Variants in FRMD4B observed in about 807,000 individuals in gnomAD.
The protein encoded by FRMD4B is FERM domain containing 4B.
Under a neutral mutation model 141.5 loss-of-function variants are expected in FRMD4B, and 74 were observed. The observed-to-expected ratio is 0.52, with a 90% CI of 0.43 to 0.63. The LOEUF (loss-of-function observed/expected upper bound fraction) is 0.63, where lower values mean the gene tolerates loss of function less well. Among genes scored for constraint, FRMD4B ranks in the 30% least tolerant of loss-of-function variants. FRMD4B has a pLI of 0.00. For synonymous variants in FRMD4B, 506 were observed against 467.9 expected, an observed-to-expected ratio of 1.08 and a Z score of -1.05; for missense variants, 1,366 against 1,253.4, an observed-to-expected ratio of 1.09 and a Z score of -1.36.
At chr3:69,351,746 G>A (rs1406371717) in intron 1 of FRMD4B, among the ~76,000 whole-genome samples, 1 of 152,222 alleles carries the variant, frequency 6.6e-6, no homozygotes, top group Admixed American at 6.5e-5. Context: ...AATCCAGGCT[G>A]TGCCCTGCCC....
chr3:69,393,088 G>A (rs957417786), intron 2 of FRMD4B, among the ~76,000 whole-genome samples: 1 of 152,084 alleles, frequency 6.6e-6, no homozygotes, highest in Non-Finnish European at 1.5e-5. Flanking sequence ...TCATGACTAT[G>A]AATGGCTTTT....
chr3:69,431,863 T>C (rs1408736032), intron 2 of FRMD4B, among the ~76,000 whole-genome samples: 1 of 152,240 alleles, frequency 6.6e-6, no homozygotes, highest in Non-Finnish European at 1.5e-5. Context: ...TTTACTCACG[T>C]GCAGTTCATA....
chr3:69,281,483 T>C (rs1386066426), intron 5 of FRMD4B, among the ~76,000 whole-genome samples: 1 of 152,120 alleles, frequency 6.6e-6, no homozygotes, highest in Non-Finnish European at 1.5e-5. Flanking sequence ...TTTGTTGTGT[T>C]AGTCAACCAC....
intron 1 of FRMD4B, among the ~76,000 whole-genome samples, chr3:69,501,813 G>A (rs1192583115): frequency 6.6e-6 from 1 of 152,180 alleles, no homozygotes; most frequent in Non-Finnish European, 1.5e-5. Flanking sequence ...GCCTTAAGCT[G>A]ATAAGCAACT....
intron 5 of FRMD4B, among the ~76,000 whole-genome samples, chr3:69,252,856 G>A (rs558114493): frequency 1.3e-5 from 2 of 152,150 alleles, no homozygotes; most frequent in Non-Finnish European, 2.9e-5. Flanking sequence ...GGACACTTCA[G>A]TGAGTTTCCA....
At chr3:69,505,359 C>A (rs1200591027) in intron 1 of FRMD4B, among the ~76,000 whole-genome samples, 1 of 151,722 alleles carries the variant, frequency 6.6e-6, no homozygotes, top group Non-Finnish European at 1.5e-5. Context: ...GTCTGGATGA[C>A]AGAGCAAGAC....
chr3:69,435,852 T>C (rs1232649245), intron 1 of FRMD4B, among the ~76,000 whole-genome samples: 1 of 152,196 alleles, frequency 6.6e-6, no homozygotes, highest in Non-Finnish European at 1.5e-5. Context: ...AGTGCCAACA[T>C]AGAGCCCAGC....
At chr3:69,452,324 C>A (rs1705515355) in intron 1 of FRMD4B, among the ~76,000 whole-genome samples, 1 of 152,198 alleles carries the variant, frequency 6.6e-6, no homozygotes, top group Non-Finnish European at 1.5e-5. Context: ...GGTGAAGGAT[C>A]AACAGGATTG....
At chr3:69,270,713 C>T (rs531246251) in intron 5 of FRMD4B, among the ~76,000 whole-genome samples, 2 of 152,004 alleles carry the variant, frequency 1.3e-5, no homozygotes, top group South Asian at 4.2e-4. Context: ...CTACAGGCGC[C>T]CGCCATCATG....
rs1324900108 is a variant in FRMD4B, at chr3:69,245,660, T to TTTC, written c.581+3565_581+3566insGAA. On this transcript the variant is annotated intron_variant, in intron 7 of 22. Transcript: ENST00000398540. ...TTGCACCTGGCCTTGGCTGATTTTC[T>TTTC]TTTCTTTTTTTTTTTTTTTTTGTGA... Among the ~76,000 whole-genome samples the TTTC allele has an allele frequency of 2.9e-4, 23 of 78,800 alleles. 3 individuals are homozygous for TTTC. Among genetic ancestry groups the TTTC allele is most frequent in the African/African-American group, 1.0e-3 (22 of 20,958 alleles). The allele number at this position is 78,800 out of a possible 152,430, so 51.7% of individuals were successfully genotyped here. A position where few individuals can be genotyped will look rare whatever the true frequency, so the allele number is the denominator to read the frequency against.
intron 1 of FRMD4B, among the ~76,000 whole-genome samples, chr3:69,529,135 A>C (rs891794440): frequency 2.6e-5 from 4 of 152,224 alleles, no homozygotes; most frequent in Non-Finnish European, 5.9e-5. Context: ...CGTCTGCTAT[A>C]GTAATCAACA....
chr3:69,436,164 C>T (rs948959738), intron 1 of FRMD4B, among the ~76,000 whole-genome samples: 5 of 152,132 alleles, frequency 3.3e-5, no homozygotes, highest in Non-Finnish European at 7.4e-5. Flanking sequence ...AGTTCCCCTC[C>T]CTCACTATTC....
intron 7 of FRMD4B, among the ~76,000 whole-genome samples, chr3:69,248,607 T>G (rs1412067995): frequency 6.6e-6 from 1 of 152,184 alleles, no homozygotes; most frequent in Non-Finnish European, 1.5e-5. Context: ...AGGGAAGCAT[T>G]GCCTCCACCC....
At chr3:69,313,302 C>A in intron 2 of FRMD4B, 150 bp downstream of exon 2, 1 of 704,962 alleles carries the variant, frequency 1.4e-6, no homozygotes, top group East Asian at 2.7e-5. Context: ...TTGATCAATT[C>A]TGAGTCATTG....
In FRMD4B at chr3:69,456,942, TATTC is replaced by T. The variant is rs1290929305; in HGVS notation, c.-128-24185_-128-24182del. On this transcript the variant is annotated intron_variant, in intron 1 of 5. Coordinates refer to the FRMD4B transcript ENST00000459638. The stretch of plus-strand genomic sequence containing the variant: ...TCCATGTTGCCCACAAAACTAAAAA[TATTC>T]ATTATGTGGCCCTGTAGAGAAAAAG... 2.0e-5 allele frequency among the ~76,000 whole-genome samples: 3 copies of T among 152,176 alleles called. No individual in the cohort carries two copies. The East Asian group carries it at 5.8e-4, about 29-fold the overall frequency.
chr3:69,222,181 T>TA (rs1158855700), intron 8 of FRMD4B, among the ~76,000 whole-genome samples: 1 of 152,076 alleles, frequency 6.6e-6, no homozygotes, highest in Non-Finnish European at 1.5e-5. Flanking sequence ...CTTTAAAACT[T>TA]AAAGTGCACA....
chr3:69,338,462 A>G (rs1302276915), intron 1 of FRMD4B, among the ~76,000 whole-genome samples: 1 of 152,260 alleles, frequency 6.6e-6, no homozygotes, highest in Non-Finnish European at 1.5e-5. Context: ...ATAATAAAAA[A>G]AGAAAATGTG....
intron 4 of FRMD4B, among the ~76,000 whole-genome samples, chr3:69,295,634 C>T (rs1042485327): frequency 3.3e-5 from 5 of 151,884 alleles, no homozygotes; most frequent in South Asian, 2.1e-4. Context: ...GCATCATTGA[C>T]GTCAGTAAGT....
intron 3 of FRMD4B, among the ~76,000 whole-genome samples, chr3:69,310,994 A>C (rs1701568036): frequency 6.6e-6 from 1 of 152,352 alleles, no homozygotes; most frequent in East Asian, 1.9e-4. Context: ...AGACATGAGA[A>C]GATACACTGT....
Sources: allele counts gnomAD v4.1 joint callset (sites outside exome capture counted in the v4.1 genomes callset), GRCh38; gene constraint gnomAD v4.1.1; transcripts MANE v1.5; gene names NCBI Gene and HGNC (gene_info 2026-07-23, HGNC 2026-07-21).